GKN2: variants seen among roughly 807,000 people sequenced by gnomAD.
The protein encoded by GKN2 is gastrokine 2.
A neutral mutation model predicts 22.7 loss-of-function variants in GKN2; 17 were observed. The observed-to-expected ratio is 0.75, with a 90% CI of 0.51 to 1.13. GKN2 has a LOEUF of 1.13. Among genes scored for constraint, GKN2 ranks in the 50% most tolerant of loss-of-function variants. The pLI, the probability that GKN2 is intolerant of heterozygous loss-of-function variation, is 0.00. For missense variants in GKN2, 248 were observed against 221.4 expected, an observed-to-expected ratio of 1.12 and a Z score of -0.76; for synonymous variants, 82 against 79.6, an observed-to-expected ratio of 1.03 and a Z score of -0.16.
At chr2:68,949,946 T>C (rs2103892904) in intron 3 of GKN2, among the ~76,000 whole-genome samples, 180 bp downstream of exon 3, 1 of 152,330 alleles carries the variant, frequency 6.6e-6, no homozygotes, top group South Asian at 2.1e-4. Context: ...TTCTTCAAAA[T>C]GGTTTTGTTT....
intron 5 of GKN2, chr2:68,945,796 A>G: frequency 4.3e-6 from 1 of 230,156 alleles, no homozygotes. Context: ...AACTTTGTAT[A>G]AAAATGACAG....
chr2:68,946,499 T>C, intron 4 of GKN2, 39 bp from the exon 5 acceptor site: 1 of 1,498,098 alleles, frequency 6.7e-7, no homozygotes, highest in Non-Finnish European at 8.9e-7. Context: ...ATAAAATAAA[T>C]TGACAAAAAT....
rs1669784589 is a variant in GKN2, at chr2:68,947,237, C to T, written c.225G>A (p.Val75=). 1 of 1,612,982 alleles carries T rather than the reference C, an allele frequency of 6.2e-7. No homozygotes were observed. Among genetic ancestry groups the T allele is most frequent in the Non-Finnish European group, 8.5e-7 (1 of 1,178,990 alleles). The change falls in exon 4 of 6, where the codon GTG becomes GTA. Residue 75 remains valine, a synonymous_variant. Coordinates refer to ENST00000328895, the MANE Select transcript of GKN2 (RefSeq NM_182536.3). ...DYKHGYIASR[V]LSRRACFILK... is the part of the protein sequence containing the mutation. ...GGATAAAGCAGGCTCTTCGGGAGAG[C>T]ACCCTGGATGCAATGTAGCCCTGAG...
chr2:68,947,800 G>A (rs2103890104), intron 3 of GKN2, among the ~76,000 whole-genome samples: 1 of 152,216 alleles, frequency 6.6e-6, no homozygotes, highest in South Asian at 2.1e-4. Context: ...ATATTAGCCA[G>A]GCTGGTCTCA....
At position 68,948,582 on chromosome 2, in the gene GKN2, A is replaced by C. The variant is rs75209337; in HGVS notation, c.205-1325T>G. Among the ~76,000 whole-genome samples the C allele has an allele frequency of 7.2e-3, 1,090 of 152,118 alleles. 20 individuals carry two copies. Among genetic ancestry groups the C allele is most frequent in the African/African-American group, 0.025 (1,026 of 41,468 alleles). On this transcript the variant is annotated intron_variant, in intron 3 of 5. Transcript: ENST00000328895. ...CTCCAGTTTTCCCCATCCCTTCTCC[A>C]TCTCAAACCCAAGCTGGCTGGAGAG... is the stretch of plus-strand genomic sequence containing the variant.
chr2:68,947,087 A>C, intron 4 of GKN2, 60 bp downstream of exon 4: 1 of 1,006,286 alleles, frequency 9.9e-7, no homozygotes, highest in Non-Finnish European at 1.6e-6. Flanking sequence ...TCATTTCTCC[A>C]TAAATACCAG....
chr2:68,945,437 A>G lies in GKN2; in HGVS notation c.486T>C (p.Ala162=). ...EVVENTHNVG[A]GGCAKAGLLG... is the part of the protein sequence containing the mutation. ...GGAGCCCAGCCTTTGCACAGCCTCC[A>G]GCACCGACATTATCTGGAAAAGGGA... Residue 162 remains alanine, a synonymous_variant, in exon 6 of 6, where the codon GCT becomes GCC. Transcript: ENST00000328895. 1 of 1,609,226 alleles carries G rather than the reference A, an allele frequency of 6.2e-7. No homozygotes were observed. Among genetic ancestry groups the G allele is most frequent in the Non-Finnish European group, 8.5e-7 (1 of 1,177,064 alleles).
intron 5 of GKN2, chr2:68,946,099 A>G: frequency 2.1e-6 from 1 of 468,044 alleles, no homozygotes; most frequent in Non-Finnish European, 3.7e-6. Context: ...TCACTAGACT[A>G]TGTGTTCCCT....
chr2:68,950,347 C>A (rs1412966838), intron 2 of GKN2, 84 bp from the exon 3 acceptor site: 5 of 1,350,476 alleles, frequency 3.7e-6, no homozygotes, highest in South Asian at 1.4e-5. Flanking sequence ...AAAGCAGCTG[C>A]CTGCTATGAA....
chr2:68,948,476 C>T lies in GKN2; in HGVS notation c.205-1219G>A, dbSNP rs549556498. ...TAGACAGTGCTGCTTTAGGAGCTCT[C>T]ATAAGCATACCCATACCCACACTCA... On this transcript the variant is annotated intron_variant, in intron 3 of 5. Transcript: ENST00000328895. 6.6e-5 allele frequency among the ~76,000 whole-genome samples: 10 copies of T among 152,260 alleles called. No individual in the cohort carries two copies. The East Asian group carries it at 1.7e-3, about 26-fold the overall frequency.
At chr2:68,949,984 G>T in intron 3 of GKN2, 142 bp downstream of exon 3, 1 of 634,662 alleles carries the variant, frequency 1.6e-6, no homozygotes, top group South Asian at 4.2e-5. Context: ...ATTATTTAAA[G>T]AGAAAAGTGA....
Position 68,945,456 on chromosome 2 carries a change from A to G in GKN2, c.473-6T>C, listed in dbSNP as rs181723439. 7,747 of 1,601,108 alleles carry G rather than the reference A, an allele frequency of 4.8e-3. 27 individuals are homozygous for G. Among genetic ancestry groups the G allele is most frequent in the Non-Finnish European group, 6.1e-3 (7,180 of 1,172,688 alleles). Reference sequence around the variant, plus strand: ...GCCTCCAGCACCGACATTATCTGGAAAAGGGAAAATTTTTCAGAGAAAGAG... The same window carrying G: ...GCCTCCAGCACCGACATTATCTGGAGAAGGGAAAATTTTTCAGAGAAAGAG... On this transcript the variant is annotated splice_region_variant and splice_polypyrimidine_tract_variant and intron_variant, in intron 5 of 5. Transcript: ENST00000328895.
rs1002879157 is a variant in GKN2, at chr2:68,945,283, G to T, written c.*85C>A. The T allele has an allele frequency of 1.1e-6, 1 of 910,964 alleles. No individual in the cohort carries two copies. Among genetic ancestry groups the T allele is most frequent in the Non-Finnish European group, 1.7e-6 (1 of 595,562 alleles). The allele number at this position is 910,964 out of a possible 1,614,324, so 56.4% of individuals were successfully genotyped here. A position where few individuals can be genotyped will look rare whatever the true frequency, so the allele number is the denominator to read the frequency against. On this transcript the variant is annotated 3_prime_UTR_variant, in exon 6 of 6. Coordinates refer to ENST00000328895, the MANE Select transcript of GKN2 (RefSeq NM_182536.3). ...TGACTGAATCTCAAAATTAGTTGGGGCATTGGGAAAGAATTTAATTTGACT... is the reference window on the plus strand; with the variant it reads ...TGACTGAATCTCAAAATTAGTTGGGTCATTGGGAAAGAATTTAATTTGACT...
chr2:68,950,082 A>G (rs1344799007), intron 3 of GKN2, 44 bp downstream of exon 3: 4 of 1,582,214 alleles, frequency 2.5e-6, no homozygotes, highest in Admixed American at 1.7e-5. Context: ...TCTGCTCTTT[A>G]GCAAACTAGT....
rs1279042641 is a variant in GKN2, at chr2:68,945,417, C to T, written c.506G>A (p.Gly169Glu). 6.2e-7 allele frequency: 1 copy of T among 1,611,508 alleles called. No homozygotes were observed. The highest frequency in any genetic ancestry group is 8.5e-7 in the Non-Finnish European group (1 of 1,178,340). ...NVGAGGCAKAGLLGILGISIC... is the reference protein window; with the variant it reads ...NVGAGGCAKAELLGILGISIC... ...TGAAATTCCCAAGATGCCCAGGAGC[C>T]CAGCCTTTGCACAGCCTCCAGCACC... The change falls in exon 6 of 6, where the codon GGG (glycine) becomes GAG (glutamate). Residue 169 changes from glycine (G) to glutamate (E), a missense_variant. Physicochemically the swap from Gly to Glu is moderately conservative, Grantham distance 98. Transcript: ENST00000328895.
intron 1 of GKN2, among the ~76,000 whole-genome samples, chr2:68,950,972 CAG>C: frequency 6.6e-6 from 1 of 152,210 alleles, no homozygotes; most frequent in African/African-American, 2.4e-5. Flanking sequence ...TTCTATTTGC[CAG>C]ACACAGGGTG....
rs1425005277 is a variant in GKN2 at position 68,950,131 on chromosome 2, T to C, written c.199A>G (p.Lys67Glu). The C allele has an allele frequency of 6.2e-7, 1 of 1,612,536 alleles. No homozygotes were observed. The highest frequency in any genetic ancestry group is 1.3e-5 in the African/African-American group (1 of 74,862). The change falls in exon 3 of 6, where the codon AAA becomes GAA. Residue 67 changes from lysine to glutamate, a missense_variant. Lys to Glu is a moderately conservative substitution (Grantham distance 56). Transcript: ENST00000328895. Reference sequence around the variant, plus strand: ...AAAATTCATTTGCTGCTTACATGTTTATAGTCAAAAATTGTGGTAGAAGAG... The same window carrying C: ...AAAATTCATTTGCTGCTTACATGTTCATAGTCAAAAATTGTGGTAGAAGAG... The part of the protein sequence containing the change: ...SCSSTTIFDY[K>E]HGYIASRVLS...
intron 1 of GKN2, among the ~76,000 whole-genome samples, chr2:68,952,558 G>T (rs1669874494): frequency 6.6e-6 from 1 of 152,066 alleles, no homozygotes; most frequent in Admixed American, 6.5e-5. Context: ...AATTCCCTAT[G>T]AAGCTCATAA....
At position 68,945,430 on chromosome 2, in the gene GKN2, A is replaced by G. The variant is rs374617592; in HGVS notation, c.493T>C (p.Cys165Arg). 1 of 1,611,390 alleles carries G rather than the reference A, an allele frequency of 6.2e-7. No homozygotes were observed. Among genetic ancestry groups the G allele is most frequent in the Non-Finnish European group, 8.5e-7 (1 of 1,178,278 alleles). Reference protein sequence around the residue: ...ENTHNVGAGGCAKAGLLGILG... With the variant: ...ENTHNVGAGGRAKAGLLGILG... ...ATGCCCAGGAGCCCAGCCTTTGCAC[A>G]GCCTCCAGCACCGACATTATCTGGA... Residue 165 changes from cysteine (C) to arginine (R), a missense_variant, in exon 6 of 6, where the codon TGT (cysteine) becomes CGT (arginine). Cys to Arg is a radical substitution (Grantham distance 180). Transcript: ENST00000328895.
Sources: allele counts gnomAD v4.1 joint callset (sites outside exome capture counted in the v4.1 genomes callset), GRCh38; gene constraint gnomAD v4.1.1; transcripts MANE v1.5; gene names NCBI Gene and HGNC (gene_info 2026-07-23, HGNC 2026-07-21).